Variants in CTNNBL1 observed in about 807,000 individuals in gnomAD.
The protein encoded by CTNNBL1 is beta-catenin-like protein 1.
CTNNBL1 carries 31 observed loss-of-function variants against 72.7 expected under a neutral mutation model. The observed-to-expected ratio is 0.43, with a 90% CI of 0.32 to 0.58. The LOEUF is 0.58. Ranked by LOEUF, CTNNBL1 falls within the 20% of genes least tolerant of loss-of-function variation. The pLI is 0.08. For missense variants in CTNNBL1, 534 were observed against 725.1 expected, an observed-to-expected ratio of 0.74 and a Z score of 3.03; for synonymous variants, 240 against 267.3, an observed-to-expected ratio of 0.90 and a Z score of 1.00.
intron 12 of CTNNBL1, among the ~76,000 whole-genome samples, chr20:37,840,544 AC>A (rs2072294972): frequency 6.6e-6 from 1 of 152,152 alleles, no homozygotes; most frequent in Non-Finnish European, 1.5e-5. Context: ...TGAGATTTGA[AC>A]CTGTTTTCGC....
intron 11 of CTNNBL1, among the ~76,000 whole-genome samples, chr20:37,834,002 A>T (rs1385697361): frequency 6.6e-6 from 1 of 152,214 alleles, no homozygotes; most frequent in Non-Finnish European, 1.5e-5. Context: ...GGGCATAGGC[A>T]TCAATTGGCA....
At chr20:37,754,787 A>G (rs2122641310) in intron 4 of CTNNBL1, among the ~76,000 whole-genome samples, 1 of 151,660 alleles carries the variant, frequency 6.6e-6, no homozygotes, top group South Asian at 2.1e-4. Context: ...ATTCTCCCTT[A>G]CTATTGCAGT....
intron 11 of CTNNBL1, among the ~76,000 whole-genome samples, chr20:37,826,726 C>T (rs906869915): frequency 1.3e-5 from 2 of 152,162 alleles, no homozygotes; most frequent in African/African-American, 2.4e-5. Context: ...TCTGTATTTC[C>T]CTCACCACAT....
chr20:37,809,120 GGA>G (rs1442131096), intron 11 of CTNNBL1, among the ~76,000 whole-genome samples: 1 of 152,208 alleles, frequency 6.6e-6, no homozygotes, highest in Admixed American at 6.5e-5. Flanking sequence ...CACCAAGGTA[GGA>G]GAGACTCCCA....
At chr20:37,810,118 G>C (rs2071996728) in intron 11 of CTNNBL1, among the ~76,000 whole-genome samples, 1 of 152,076 alleles carries the variant, frequency 6.6e-6, no homozygotes, top group Non-Finnish European at 1.5e-5. Context: ...AGTGTCGGGG[G>C]TATCTTAGTC....
chr20:37,869,106 C>A (rs2072560923), intron 15 of CTNNBL1, among the ~76,000 whole-genome samples: 1 of 152,250 alleles, frequency 6.6e-6, no homozygotes, highest in South Asian at 2.1e-4. Context: ...CAACCACTTG[C>A]TGTTGGAGGT....
intron 10 of CTNNBL1, among the ~76,000 whole-genome samples, chr20:37,781,010 C>A (rs1023200810): frequency 2.0e-5 from 3 of 152,056 alleles, no homozygotes; most frequent in African/African-American, 7.2e-5. Flanking sequence ...GTGTACCAGA[C>A]CTTGCATTGA....
At chr20:37,766,549 G>A (rs2073470396) in intron 6 of CTNNBL1, among the ~76,000 whole-genome samples, 1 of 152,224 alleles carries the variant, frequency 6.6e-6, no homozygotes. Context: ...AAAGCACTGT[G>A]GGAATGAAGA....
chr20:37,708,189 CTT>C (rs760708336), intron 1 of CTNNBL1, among the ~76,000 whole-genome samples: 21 of 142,768 alleles, frequency 1.5e-4, no homozygotes, highest in Non-Finnish European at 1.1e-4. Context: ...GATAGACTTT[CTT>C]TTTTTTTTTT....
intron 4 of CTNNBL1, among the ~76,000 whole-genome samples, chr20:37,755,269 G>A (rs2073354354): frequency 6.6e-6 from 1 of 152,224 alleles, no homozygotes; most frequent in Non-Finnish European, 1.5e-5. Context: ...TTTAGAGAGG[G>A]AGAACTACTA....
intron 13 of CTNNBL1, among the ~76,000 whole-genome samples, chr20:37,853,017 G>A (rs769995714): frequency 6.6e-6 from 1 of 152,188 alleles, no homozygotes; most frequent in Admixed American, 6.5e-5. Context: ...AGGAGTTCCA[G>A]TATCTAATTT....
intron 10 of CTNNBL1, 50 bp from the exon 11 acceptor site, chr20:37,802,817 T>G: frequency 7.0e-7 from 1 of 1,434,592 alleles, no homozygotes. Flanking sequence ...TTTTTTAAGC[T>G]CTATAATTTC....
At chr20:37,696,447 T>TG in intron 1 of CTNNBL1, among the ~76,000 whole-genome samples, 1 of 146,472 alleles carries the variant, frequency 6.8e-6, no homozygotes, top group Admixed American at 6.8e-5. Flanking sequence ...TTTTTTTTTT[T>TG]TTTTTTTTTT....
intron 14 of CTNNBL1, 68 bp from the exon 15 acceptor site, chr20:37,860,204 G>C (rs2072479883): frequency 6.7e-7 from 1 of 1,494,542 alleles, no homozygotes; most frequent in South Asian, 1.1e-5. Context: ...TCATTTCAAG[G>C]TGATACATTC....
chr20:37,764,097 C>T (rs1176535251), intron 5 of CTNNBL1, among the ~76,000 whole-genome samples: 3 of 152,086 alleles, frequency 2.0e-5, no homozygotes, highest in Admixed American at 6.5e-5. Flanking sequence ...CTGCTTGATT[C>T]TTTGAGGAGC....
At chr20:37,731,259 G>A (rs539170729) in intron 1 of CTNNBL1, among the ~76,000 whole-genome samples, 47 of 150,878 alleles carry the variant, frequency 3.1e-4, no homozygotes, top group African/African-American at 6.3e-4. Flanking sequence ...TTTTGAGACG[G>A]AGTTTCACTC....
chr20:37,727,309 G>A, intron 1 of CTNNBL1: 2 of 982,720 alleles, frequency 2.0e-6, no homozygotes, highest in Non-Finnish European at 2.4e-6. Flanking sequence ...CAGGGGCATG[G>A]ATGGAGACAC....
At chr20:37,864,611 C>T (rs2072521596) in intron 15 of CTNNBL1, among the ~76,000 whole-genome samples, 1 of 152,226 alleles carries the variant, frequency 6.6e-6, no homozygotes, top group African/African-American at 2.4e-5. Flanking sequence ...TCCCCAGAAC[C>T]AGCAGCAGCT....
At chr20:37,712,680 T>C (rs1299474004) in intron 1 of CTNNBL1, among the ~76,000 whole-genome samples, 3 of 152,242 alleles carry the variant, frequency 2.0e-5, no homozygotes, top group African/African-American at 7.2e-5. Flanking sequence ...AGGGAATAAT[T>C]GCCTGCCTCT....
Sources: allele counts gnomAD v4.1 joint callset (sites outside exome capture counted in the v4.1 genomes callset), GRCh38; gene constraint gnomAD v4.1.1; transcripts MANE v1.5; gene names NCBI Gene and HGNC (gene_info 2026-07-23, HGNC 2026-07-21).